FHIT: variants seen among roughly 807,000 people sequenced by gnomAD.
FHIT encodes the protein fragile histidine triad diadenosine triphosphatase.
A neutral mutation model predicts 17.9 loss-of-function variants in FHIT; 19 were observed. The observed-to-expected ratio is 1.06, with a 90% CI of 0.74 to 1.56. The LOEUF is 1.56. Among genes scored for constraint, FHIT ranks in the 40% most tolerant of loss-of-function variants. FHIT has a pLI of 0.00. For synonymous variants in FHIT, 81 were observed against 69.7 expected (o/e 1.16, Z -0.81); for missense variants, 248 against 189.2 (o/e 1.31, Z -1.82).
chr3:60,379,385 T>C (rs1700709546), intron 5 of FHIT, among the ~76,000 whole-genome samples: 1 of 150,630 alleles, frequency 6.6e-6, no homozygotes, highest in African/African-American at 2.5e-5. Flanking sequence ...CATAATTATC[T>C]AGTTAATCCT....
chr3:60,826,146 A>G (rs1575571896), intron 3 of FHIT, among the ~76,000 whole-genome samples: 1 of 127,870 alleles, frequency 7.8e-6, no homozygotes, highest in African/African-American at 3.1e-5. Flanking sequence ...GGGAGGGATG[A>G]ATGGATGGAA....
At chr3:60,224,554 G>A (rs576009677) in intron 5 of FHIT, among the ~76,000 whole-genome samples, 23 of 152,114 alleles carry the variant, frequency 1.5e-4, no homozygotes, top group African/African-American at 5.5e-4. Context: ...GGGTACCCAT[G>A]AAGGCCCAGT....
At chr3:60,296,932 A>T (rs1708238959) in intron 5 of FHIT, among the ~76,000 whole-genome samples, 1 of 151,712 alleles carries the variant, frequency 6.6e-6, no homozygotes, top group Non-Finnish European at 1.5e-5. Flanking sequence ...AAAAAAAAAA[A>T]AAAAAAGACC....
intron 5 of FHIT, among the ~76,000 whole-genome samples, chr3:60,255,098 T>C (rs997298116): frequency 3.9e-5 from 6 of 152,294 alleles, no homozygotes; most frequent in South Asian, 4.1e-4. Context: ...GATGGCAGAA[T>C]TATAATAACT....
At chr3:60,260,448 G>T (rs1030239162) in intron 5 of FHIT, among the ~76,000 whole-genome samples, 1 of 151,810 alleles carries the variant, frequency 6.6e-6, no homozygotes, top group Non-Finnish European at 1.5e-5. Flanking sequence ...TTAAAACTTG[G>T]CGTATTCACT....
chr3:59,759,110 AG>A (rs1701370521), intron 8 of FHIT, among the ~76,000 whole-genome samples: 1 of 151,956 alleles, frequency 6.6e-6, no homozygotes, highest in African/African-American at 2.4e-5. Flanking sequence ...GTAAAGGGGC[AG>A]GAAGGAATAT....
rs529113342 is a variant in FHIT at position 59,797,625 on chromosome 3, C to A, written c.349-45304G>T. On this transcript the variant is annotated intron_variant, in intron 8 of 9. Transcript: ENST00000492590. Reference sequence around the variant, plus strand: ...CCTGTTTCATCACACAGTAACCCACCGTGGCTCTCTCCTCCATGCCGATAT... The same window carrying A: ...CCTGTTTCATCACACAGTAACCCACAGTGGCTCTCTCCTCCATGCCGATAT... 3.3e-4 allele frequency among the ~76,000 whole-genome samples: 51 copies of A among 152,270 alleles called. 1 individual carries two copies. Among genetic ancestry groups the A allele is most frequent in the South Asian group, 2.1e-3 (10 of 4,828 alleles).
intron 4 of FHIT, among the ~76,000 whole-genome samples, chr3:60,708,944 T>C (rs1018210459): frequency 2.6e-5 from 4 of 152,172 alleles, no homozygotes; most frequent in Non-Finnish European, 4.4e-5. Context: ...CTGCTTTATA[T>C]TGCCTTTGTT....
chr3:60,550,926 T>A (rs879223596), intron 4 of FHIT, among the ~76,000 whole-genome samples: 1 of 152,058 alleles, frequency 6.6e-6, no homozygotes, highest in Admixed American at 6.5e-5. Flanking sequence ...TTGAAGGAAA[T>A]GATCAAAATC....
At chr3:60,512,595 T>C (rs929629636) in intron 5 of FHIT, among the ~76,000 whole-genome samples, 1 of 152,138 alleles carries the variant, frequency 6.6e-6, no homozygotes, top group Non-Finnish European at 1.5e-5. Context: ...TCTTTTACAG[T>C]GGGGTAATCT....
chr3:60,153,129 C>T (rs942041974), intron 5 of FHIT, among the ~76,000 whole-genome samples: 1 of 152,106 alleles, frequency 6.6e-6, no homozygotes, highest in African/African-American at 2.4e-5. Context: ...TTACCAAGCA[C>T]CTTTATTTTC....
At chr3:60,569,742 TATATATA>T (rs2037295318) in intron 4 of FHIT, among the ~76,000 whole-genome samples, 2 of 66,066 alleles carry the variant, frequency 3.0e-5, no homozygotes, top group Middle Eastern at 6.8e-3. Context: ...TATATATATA[TATATATA>T]TATATATTTT....
intron 3 of FHIT, among the ~76,000 whole-genome samples, chr3:61,021,997 G>A (rs545047988): frequency 1.3e-5 from 2 of 152,096 alleles, no homozygotes; most frequent in African/African-American, 4.8e-5. Flanking sequence ...ACTAAGATCA[G>A]GGCAAATTTG....
chr3:60,747,962 T>A (rs1197423683), intron 4 of FHIT, among the ~76,000 whole-genome samples: 1 of 152,188 alleles, frequency 6.6e-6, no homozygotes, highest in African/African-American at 2.4e-5. Flanking sequence ...GTGTAATGTA[T>A]GTCCTGGGGA....
At chr3:60,156,327 G>A (rs111724279) in intron 5 of FHIT, among the ~76,000 whole-genome samples, 4 of 150,550 alleles carry the variant, frequency 2.7e-5, no homozygotes, top group Non-Finnish European at 4.4e-5. Context: ...TCCAGCCTGG[G>A]TGACAGAGTG....
intron 4 of FHIT, among the ~76,000 whole-genome samples, chr3:60,608,143 G>A (rs781797666): frequency 3.3e-5 from 5 of 152,118 alleles, no homozygotes; most frequent in Non-Finnish European, 7.4e-5. Flanking sequence ...TGCTCACGCA[G>A]AGGACAAGAC....
At chr3:59,996,837 A>G (rs1699532120) in intron 7 of FHIT, among the ~76,000 whole-genome samples, 1 of 152,110 alleles carries the variant, frequency 6.6e-6, no homozygotes, top group South Asian at 2.1e-4. Flanking sequence ...ATTGCTGACC[A>G]GATGGTCCTG....
chr3:60,752,553 G>A (rs1197487773), intron 4 of FHIT, among the ~76,000 whole-genome samples: 1 of 152,084 alleles, frequency 6.6e-6, no homozygotes, highest in Non-Finnish European at 1.5e-5. Context: ...TCTCAACAAT[G>A]GCTACTTTTT....
chr3:61,232,008 A>C (rs1371942041), intron 1 of FHIT, among the ~76,000 whole-genome samples: 9 of 152,180 alleles, frequency 5.9e-5, no homozygotes, highest in Admixed American at 5.9e-4. Context: ...GCACCAATAA[A>C]AGGAGTGAGA....
Sources: gnomAD v4.1 joint callset for allele counts (sites outside exome capture counted in the v4.1 genomes callset) on GRCh38, gnomAD v4.1.1 for gene constraint, MANE v1.5 for transcripts, NCBI Gene and HGNC (gene_info 2026-07-23, HGNC 2026-07-21) for gene names.